The following MYOM1 variants were observed in gnomAD, a reference collection of about 807,000 sequenced individuals.
The protein encoded by MYOM1 is myomesin 1, also known as myomesin-1.
A neutral mutation model predicts 205.3 loss-of-function variants in MYOM1; 164 were observed. That is an observed-to-expected ratio of 0.80 (90% CI 0.70 to 0.91). The LOEUF is 0.91. Ranked by LOEUF, MYOM1 falls within the 40% of genes least tolerant of loss-of-function variation. The pLI, the probability that MYOM1 is intolerant of heterozygous loss-of-function variation, is 0.00. For synonymous variants in MYOM1, 772 were observed against 789.4 expected, an observed-to-expected ratio of 0.98 and a Z score of 0.37; for missense variants, 2,011 against 2,127.3, an observed-to-expected ratio of 0.95 and a Z score of 1.08.
chr18:3,074,366 T>C (rs1811429178), intron 36 of MYOM1, among the ~76,000 whole-genome samples: 1 of 152,166 alleles, frequency 6.6e-6, no homozygotes, highest in Non-Finnish European at 1.5e-5. Context: ...CAGAGGCACA[T>C]GGAGCCCTGT....
In MYOM1 at chr18:3,135,374, T is replaced by C. The variant is rs1041644310; in HGVS notation, c.2209+173A>G. 2.2e-5 allele frequency: 12 copies of C among 555,264 alleles called. No individual in the cohort carries two copies. Among genetic ancestry groups the C allele is most frequent in the African/African-American group, 2.1e-4 (11 of 52,936 alleles). 34.4% of individuals were successfully genotyped at this position (555,264 alleles called of 1,614,324 possible). The stretch of plus-strand genomic sequence containing the variant: ...TGAAACTCCCAAAGAAGTTTACTTT[T>C]CATAAACAAAAATAATGAATTTTTG... On this transcript the variant is annotated intron_variant, in intron 15 of 37. Transcript: ENST00000356443. The surrounding 1 kb of genome is among the most constrained non-coding windows in gnomAD (Gnocchi z 4.1).
intron 18 of MYOM1, among the ~76,000 whole-genome samples, chr18:3,127,290 T>TAC (rs1449231010): frequency 2.3e-5 from 1 of 43,334 alleles, no homozygotes; most frequent in Non-Finnish European, 4.6e-5. Context: ...TCCATATATA[T>TAC]ATATATATAT....
chr18:3,067,681 G>A (rs890122978), intron 37 of MYOM1, 126 bp from the exon 38 acceptor site: 1 of 986,112 alleles, frequency 1.0e-6, no homozygotes, highest in African/African-American at 1.6e-5. Flanking sequence ...CCCGGACCAG[G>A]GTTTAAAGTA....
rs1051383355 is a variant in MYOM1, at chr18:3,211,207, T to A, written c.290+3727A>T. Among the ~76,000 whole-genome samples, 5 of 152,372 alleles carry A rather than the reference T, an allele frequency of 3.3e-5. No individual in the cohort carries two copies. In the Middle Eastern group the frequency reaches 0.01, roughly 311 times the overall value. ...GTATGATCCAGCTTACTTGCAAGAA[T>A]GGAAGGTCCCTGCTTTCCATAATAC... On this transcript the variant is annotated intron_variant, in intron 2 of 37. Transcript: ENST00000356443.
At chr18:3,221,075 C>G (rs190963233), upstream of MYOM1, among the ~76,000 whole-genome samples, 10 of 152,236 alleles carry the variant, frequency 6.6e-5, no homozygotes, top group Admixed American at 5.9e-4. Flanking sequence ...GGCTGGAGTG[C>G]AGTGGTGCAG....
At chr18:3,139,455 G>A (rs1453844034) in intron 14 of MYOM1, among the ~76,000 whole-genome samples, 2 of 152,176 alleles carry the variant, frequency 1.3e-5, no homozygotes, top group Non-Finnish European at 2.9e-5. Flanking sequence ...AGGGATCAAG[G>A]ACATGCCGTG....
chr18:3,174,109 A>G lies in MYOM1; in HGVS notation c.1111+11T>C. On this transcript the variant is annotated intron_variant, in intron 7 of 37. Coordinates refer to ENST00000356443, the MANE Select transcript of MYOM1 (RefSeq NM_003803.4). ...CACACACTTTGAAGAAAACAAATCT[A>G]GCAAACCTACTTTTTACCACAACTG... 1 of 1,613,826 alleles carries G rather than the reference A, an allele frequency of 6.2e-7. No homozygotes were observed. The highest frequency in any genetic ancestry group is 8.5e-7 in the Non-Finnish European group (1 of 1,179,714).
At chr18:3,087,606 C>T (rs1010808874) in intron 29 of MYOM1, among the ~76,000 whole-genome samples, 1 of 151,482 alleles carries the variant, frequency 6.6e-6, no homozygotes, top group African/African-American at 2.4e-5. Context: ...TCTCCTGCCT[C>T]AGCCTGCCAA....
intron 19 of MYOM1, among the ~76,000 whole-genome samples, chr18:3,123,054 C>T (rs1336646929): frequency 2.0e-5 from 3 of 152,038 alleles, no homozygotes; most frequent in African/African-American, 4.8e-5. Flanking sequence ...CTTGAACTCC[C>T]GGGTTGAAGC....
At position 3,169,892 on chromosome 18, in the gene MYOM1, C is replaced by A. The variant is rs9963724; in HGVS notation, c.1175-911G>T. On this transcript the variant is annotated intron_variant, in intron 8 of 37. Coordinates refer to ENST00000356443, the MANE Select transcript of MYOM1 (RefSeq NM_003803.4). ...ACAATAGGCCAGGATGTGAAATTAA[C>A]CTAAGTGTTCAACCATGGCAGAATG... 8.2e-3 allele frequency among the ~76,000 whole-genome samples: 1,247 copies of A among 152,260 alleles called. 12 individuals carry two copies. Among genetic ancestry groups the A allele is most frequent in the African/African-American group, 0.028 (1,181 of 41,544 alleles).
chr18:3,085,765 G>A (rs1011397870), intron 30 of MYOM1, among the ~76,000 whole-genome samples: 3 of 152,186 alleles, frequency 2.0e-5, no homozygotes, highest in African/African-American at 7.2e-5. Flanking sequence ...CGAGGCTTAA[G>A]CACAAATGAA....
chr18:3,068,241 A>G (rs2078920363), intron 37 of MYOM1, among the ~76,000 whole-genome samples: 1 of 151,998 alleles, frequency 6.6e-6, no homozygotes, highest in Non-Finnish European at 1.5e-5. Flanking sequence ...GATTTAGATA[A>G]TTGTAAATTC....
At chr18:3,070,596 G>A (rs1422262162) in intron 37 of MYOM1, among the ~76,000 whole-genome samples, 2 of 152,196 alleles carry the variant, frequency 1.3e-5, no homozygotes, top group Non-Finnish European at 2.9e-5. Flanking sequence ...TTCGGAAAAT[G>A]CACAGTACTT....
rs981076835 is a variant in MYOM1 at position 3,218,830 on chromosome 18, G to T, written c.-29+973C>A. Among the ~76,000 whole-genome samples the T allele has an allele frequency of 2.6e-5, 4 of 152,182 alleles. No homozygotes were observed. In the South Asian group the frequency reaches 8.3e-4, roughly 32 times the overall value. ...ACAAAATAAAATCTTTAAATATCTT[G>T]CCCCAATACTATTTTTTACTCTCTT... On this transcript the variant is annotated intron_variant, in intron 1 of 37. Coordinates refer to ENST00000356443, the MANE Select transcript of MYOM1 (RefSeq NM_003803.4).
intron 22 of MYOM1, among the ~76,000 whole-genome samples, chr18:3,104,745 C>CTTTTTTTTTTTTTTTTTTTTTTTTTTTTT (rs745369627): frequency 1.2e-5 from 1 of 80,586 alleles, no homozygotes. Flanking sequence ...GAATTGGAAT[C>CTTTTTTTTTTTTTTTTTTTTTTTTTTTTT]TTTTTTTTTT....
chr18:3,144,604 TA>T (rs2080098637), intron 13 of MYOM1, among the ~76,000 whole-genome samples: 1 of 152,102 alleles, frequency 6.6e-6, no homozygotes, highest in South Asian at 2.1e-4. Context: ...TGTATTAATA[TA>T]AAGGCACACA....
chr18:3,238,773 G>A, the MYOM1 span, among the ~76,000 whole-genome samples: 1 of 152,054 alleles, frequency 6.6e-6, no homozygotes, highest in Non-Finnish European at 1.5e-5. Context: ...GGCTCTAGGG[G>A]AGAATCAGTT....
At chr18:3,084,939 CA>C in intron 31 of MYOM1, 105 bp downstream of exon 31, 41 of 873,484 alleles carry the variant, frequency 4.7e-5, no homozygotes, top group South Asian at 1.1e-4. Context: ...AATCTGTGGA[CA>C]AAAAAAATCA....
In MYOM1 at chr18:3,167,707, T is replaced by C. The variant is rs7230405; in HGVS notation, c.1339+1110A>G. 6.8e-3 allele frequency among the ~76,000 whole-genome samples: 1,037 copies of C among 152,308 alleles called. 12 individuals are homozygous for C. Among genetic ancestry groups the C allele is most frequent in the African/African-American group, 0.023 (939 of 41,570 alleles). On this transcript the variant is annotated intron_variant, in intron 9 of 37. Coordinates refer to ENST00000356443, the MANE Select transcript of MYOM1 (RefSeq NM_003803.4). The stretch of plus-strand genomic sequence containing the variant: ...GCCTATTGTTATTTTAGAAATAGCA[T>C]TATTTTTCAAGTCCAGTGCTTCAAC...
Sources: gnomAD v4.1 joint callset for allele counts (sites outside exome capture counted in the v4.1 genomes callset) on GRCh38, gnomAD v4.1.1 for gene constraint, Gnocchi (gnomAD v3.1) non-coding constraint, MANE v1.5 for transcripts, NCBI Gene and HGNC (gene_info 2026-07-23, HGNC 2026-07-21) for gene names.